Variants in NRF1 observed in about 807,000 individuals in gnomAD.
NRF1 encodes alpha palindromic-binding protein.
NRF1 carries 5 observed loss-of-function variants against 58.5 expected under a neutral mutation model. The observed-to-expected ratio is 0.09, with a 90% CI of 0.04 to 0.18. NRF1 has a LOEUF of 0.18. Among genes scored for constraint, NRF1 ranks in the 10% least tolerant of loss-of-function variants. The probability of loss-of-function intolerance (pLI) is 1.00; values close to 1 mark genes in which losing one functional copy is unlikely to be tolerated. For missense variants in NRF1, 288 were observed against 657.7 expected (o/e 0.44, Z 6.15); for synonymous variants, 224 against 246.7 (o/e 0.91, Z 0.86).
intron 1 of NRF1, among the ~76,000 whole-genome samples, chr7:129,637,873 G>GT (rs1399772246): frequency 1.3e-3 from 185 of 145,528 alleles, no homozygotes; most frequent in African/African-American, 2.6e-3. Context: ...TTTATTTTTT[G>GT]TTTTTTTTTT....
intron 10 of NRF1, among the ~76,000 whole-genome samples, chr7:129,744,721 CTT>C (rs1434646660): frequency 6.6e-6 from 1 of 152,186 alleles, no homozygotes; most frequent in Admixed American, 6.5e-5. Flanking sequence ...TACTGATCTG[CTT>C]TTTTCAGGTG....
chr7:129,628,904 A>T (rs755660525), intron 1 of NRF1, among the ~76,000 whole-genome samples: 8 of 152,228 alleles, frequency 5.3e-5, no homozygotes, highest in Non-Finnish European at 8.8e-5. Flanking sequence ...AATTTGGAAA[A>T]TATTAATTCA....
At chr7:129,650,666 T>A (rs1801512933) in intron 1 of NRF1, among the ~76,000 whole-genome samples, 1 of 152,080 alleles carries the variant, frequency 6.6e-6, no homozygotes, top group Non-Finnish European at 1.5e-5. Flanking sequence ...ACTGTGTTCC[T>A]CACTTTATCT....
intron 1 of NRF1, among the ~76,000 whole-genome samples, chr7:129,616,058 C>T (rs945684727): frequency 3.3e-5 from 5 of 152,148 alleles, no homozygotes; most frequent in Admixed American, 3.3e-4. Context: ...TATATACACA[C>T]ACACATATAT....
chr7:129,621,484 A>C (rs756976151), intron 1 of NRF1, among the ~76,000 whole-genome samples: 8 of 152,266 alleles, frequency 5.3e-5, no homozygotes, highest in Middle Eastern at 3.4e-3. Context: ...TCCTTTGGGA[A>C]CTTTTTTTGG....
At chr7:129,740,964 A>G (rs1031863888) in intron 10 of NRF1, among the ~76,000 whole-genome samples, 3 of 152,180 alleles carry the variant, frequency 2.0e-5, no homozygotes, top group Admixed American at 6.5e-5. Flanking sequence ...CATGTCCTTC[A>G]GATGTAGCTT....
rs930852652 is a variant in NRF1, at chr7:129,746,268, C to T, written c.1349-8750C>T. The stretch of plus-strand genomic sequence containing the variant: ...GGAAAGAAATGCTTTTTCTCTTCCC[C>T]GTTTGCCCTACTATCATGAGGTTAC... On this transcript the variant is annotated intron_variant, in intron 10 of 10. Coordinates refer to ENST00000393232, the MANE Select transcript of NRF1 (RefSeq NM_005011.5). 3.9e-5 allele frequency among the ~76,000 whole-genome samples: 6 copies of T among 152,156 alleles called. No homozygotes were observed. The South Asian group carries it at 8.3e-4, about 21-fold the overall frequency.
chr7:129,710,691 A>G, intron 7 of NRF1, 120 bp downstream of exon 7: 1 of 652,944 alleles, frequency 1.5e-6, no homozygotes, highest in Non-Finnish European at 2.8e-6. Flanking sequence ...ATAGCTCCCC[A>G]AGATCTTCCT....
chr7:129,701,884 GT>G (rs1250264150), intron 5 of NRF1, among the ~76,000 whole-genome samples: 7 of 152,164 alleles, frequency 4.6e-5, no homozygotes, highest in African/African-American at 1.7e-4. Flanking sequence ...CTAGGCAACT[GT>G]TTTTAAAAAT....
At chr7:129,660,334 C>G (rs1801752019) in intron 2 of NRF1, among the ~76,000 whole-genome samples, 1 of 150,786 alleles carries the variant, frequency 6.6e-6, no homozygotes, top group Non-Finnish European at 1.5e-5. Context: ...CAAAACCAAT[C>G]ATGCCTTTCT....
intron 9 of NRF1, among the ~76,000 whole-genome samples, chr7:129,722,027 A>T (rs1288417556): frequency 6.6e-6 from 1 of 152,156 alleles, no homozygotes; most frequent in African/African-American, 2.4e-5. Context: ...TTTTGAAATG[A>T]CTTTTGTCTA....
At chr7:129,697,619 G>C (rs1038671484) in intron 5 of NRF1, among the ~76,000 whole-genome samples, 2 of 152,100 alleles carry the variant, frequency 1.3e-5, no homozygotes, top group African/African-American at 4.8e-5. Context: ...ATAGAACTTA[G>C]GGCTGCATTC....
intron 1 of NRF1, among the ~76,000 whole-genome samples, chr7:129,652,631 C>G (rs1298861175): frequency 6.6e-6 from 1 of 152,196 alleles, no homozygotes; most frequent in Non-Finnish European, 1.5e-5. Context: ...GAGTCTCGCT[C>G]TGTCGCCCAG....
intron 4 of NRF1, among the ~76,000 whole-genome samples, chr7:129,678,169 G>A (rs1237192116): frequency 6.6e-6 from 1 of 152,092 alleles, no homozygotes. Context: ...TTACATATTT[G>A]AAATATCTTA....
At chr7:129,611,878 C>T (rs1396814079) in intron 1 of NRF1, 54 bp downstream of exon 1, 2 of 150,116 alleles carry the variant, frequency 1.3e-5, no homozygotes, top group Admixed American at 6.7e-5. Context: ...GCAGCCGCAA[C>T]ACGCCGCCCG....
intron 1 of NRF1, among the ~76,000 whole-genome samples, chr7:129,634,036 AAAAAAAG>A (rs1345742490): frequency 3.9e-3 from 283 of 73,104 alleles, no homozygotes; most frequent in African/African-American, 0.018. Flanking sequence ...ATTTAAAAAA[AAAAAAAG>A]ATATATATAT....
chr7:129,702,945 G>C (rs1802864819), intron 5 of NRF1, among the ~76,000 whole-genome samples: 1 of 152,182 alleles, frequency 6.6e-6, no homozygotes, highest in Non-Finnish European at 1.5e-5. Flanking sequence ...AGAGGAGAGG[G>C]TATTTGGAGG....
chr7:129,629,547 T>A (rs1328725189), intron 1 of NRF1, among the ~76,000 whole-genome samples: 1 of 151,548 alleles, frequency 6.6e-6, no homozygotes, highest in African/African-American at 2.4e-5. Flanking sequence ...AGTGCTGGGA[T>A]TACAGGTGTG....
intron 10 of NRF1, among the ~76,000 whole-genome samples, chr7:129,754,789 C>T (rs1804212731): frequency 6.6e-6 from 1 of 152,002 alleles, no homozygotes. Flanking sequence ...TCACATTGTA[C>T]CCCATAAACA....
Sources: gnomAD v4.1 joint callset for allele counts (sites outside exome capture counted in the v4.1 genomes callset) on GRCh38, gnomAD v4.1.1 for gene constraint, MANE v1.5 for transcripts, NCBI Gene and HGNC (gene_info 2026-07-23, HGNC 2026-07-21) for gene names.